The following KCTD16 variants were observed in gnomAD, a reference collection of about 807,000 sequenced individuals.
KCTD16 encodes BTB/POZ domain-containing protein KCTD16.
Under a neutral mutation model 33.2 loss-of-function variants are expected in KCTD16, and 13 were observed. That is an observed-to-expected ratio of 0.39 (90% confidence interval 0.25 to 0.62). The LOEUF (loss-of-function observed/expected upper bound fraction) is 0.62, where lower values mean the gene tolerates loss of function less well. Among genes scored for constraint, KCTD16 ranks in the 20% least tolerant of loss-of-function variants. The pLI is 0.50. For synonymous variants in KCTD16, 197 were observed against 195.3 expected (o/e 1.01, Z -0.07); for missense variants, 441 against 525.1 (o/e 0.84, Z 1.57).
intron 3 of KCTD16, among the ~76,000 whole-genome samples, chr5:144,260,743 TTG>T (rs1554083565): frequency 2.1e-5 from 3 of 141,276 alleles, no homozygotes; most frequent in Non-Finnish European, 3.2e-5. Flanking sequence ...CCTGTTTTTT[TTG>T]TTGTTGTTGT....
chr5:144,291,790 A>G (rs1017121568), intron 3 of KCTD16, among the ~76,000 whole-genome samples: 1 of 152,214 alleles, frequency 6.6e-6, no homozygotes, highest in Non-Finnish European at 1.5e-5. Flanking sequence ...ATCTTAAATT[A>G]CACATTTATT....
At chr5:144,283,381 A>G (rs1755659055) in intron 3 of KCTD16, among the ~76,000 whole-genome samples, 1 of 152,212 alleles carries the variant, frequency 6.6e-6, no homozygotes, top group South Asian at 2.1e-4. Context: ...GTGGGAGAGA[A>G]AGTATGGAGT....
At chr5:144,193,337 A>G (rs1343846122) in intron 2 of KCTD16, among the ~76,000 whole-genome samples, 1 of 152,056 alleles carries the variant, frequency 6.6e-6, no homozygotes, top group East Asian at 1.9e-4. Flanking sequence ...GCTCATTGGG[A>G]TCCAACTTGC....
chr5:144,441,485 A>G (rs1753706666), intron 3 of KCTD16, among the ~76,000 whole-genome samples: 1 of 152,012 alleles, frequency 6.6e-6, no homozygotes, highest in South Asian at 2.1e-4. Flanking sequence ...CGATATCTTA[A>G]GTTACTTTTT....
In KCTD16 at chr5:144,412,562, T is replaced by C. The variant is rs549031607; in HGVS notation, c.833-61098T>C. Among the ~76,000 whole-genome samples, 51 of 152,218 alleles carry C rather than the reference T, an allele frequency of 3.4e-4. 1 individual carries two copies. In the South Asian group the frequency reaches 0.01, roughly 31 times the overall value. On this transcript the variant is annotated intron_variant, in intron 3 of 3. Transcript: ENST00000512467. ...TATAAAGAGAGTTTGACTAGTGGAT[T>C]CAAATATACAGTTTAATAGAAGAAG... is the stretch of plus-strand genomic sequence containing the variant.
intron 3 of KCTD16, among the ~76,000 whole-genome samples, chr5:144,286,829 A>C (rs1755758987): frequency 6.6e-6 from 1 of 152,192 alleles, no homozygotes; most frequent in Non-Finnish European, 1.5e-5. Context: ...AAAAAAATCT[A>C]TCTTCTATGA....
At chr5:144,304,155 G>A (rs1182275856) in intron 3 of KCTD16, among the ~76,000 whole-genome samples, 1 of 152,188 alleles carries the variant, frequency 6.6e-6, no homozygotes, top group Non-Finnish European at 1.5e-5. Context: ...AGTAAATCAT[G>A]TGAGGATAAA....
chr5:144,298,255 C>A (rs569394184), intron 3 of KCTD16, among the ~76,000 whole-genome samples: 1 of 152,172 alleles, frequency 6.6e-6, no homozygotes, highest in East Asian at 1.9e-4. Context: ...ACGAGGCTTG[C>A]GACCATCTTG....
chr5:144,465,335 A>T (rs1475129145), intron 3 of KCTD16, among the ~76,000 whole-genome samples: 14 of 151,990 alleles, frequency 9.2e-5, no homozygotes, highest in Non-Finnish European at 1.5e-5. Flanking sequence ...TCTTCTTCAG[A>T]GCTTTTTAAT....
intron 3 of KCTD16, among the ~76,000 whole-genome samples, chr5:144,269,007 A>G (rs1487272773): frequency 6.6e-6 from 1 of 152,154 alleles, no homozygotes; most frequent in Non-Finnish European, 1.5e-5. Flanking sequence ...ACAATCTGCA[A>G]TCTTGAAGAT....
intron 3 of KCTD16, among the ~76,000 whole-genome samples, chr5:144,275,182 G>A (rs12717913): frequency 0.23 from 35,419 of 152,028 alleles, 4,366 homozygotes; most frequent in Non-Finnish European, 0.28. Context: ...TTTATAGGCA[G>A]AGAAGAAAGT....
At position 144,478,084 on chromosome 5, in the gene KCTD16, G is replaced by A. The variant is rs1428063314; in HGVS notation, c.*3970G>A. 6.6e-6 allele frequency: 1 copy of A among 151,902 alleles called. No individual in the cohort carries two copies. Among genetic ancestry groups the A allele is most frequent in the Non-Finnish European group, 1.5e-5 (1 of 67,920 alleles). The allele number at this position is 151,902 out of a possible 1,614,324, so 9.4% of individuals were successfully genotyped here. On this transcript the variant is annotated 3_prime_UTR_variant, in exon 4 of 4. Transcript: ENST00000512467. ...TCTCTTTAATGTCTTGGTATTGTTG[G>A]TGTCTTGCAATCTTGATGCCCCACA...
Position 144,476,575 on chromosome 5 carries a change from C to T in KCTD16, c.*2461C>T, listed in dbSNP as rs1301489882. 1 of 152,164 alleles carries T rather than the reference C, an allele frequency of 6.6e-6. No individual in the cohort carries two copies. Among genetic ancestry groups the T allele is most frequent in the East Asian group, 1.9e-4 (1 of 5,180 alleles). The allele number at this position is 152,164 out of a possible 1,614,324, so 9.4% of individuals were successfully genotyped here. A position where few individuals can be genotyped will look rare whatever the true frequency, so the allele number is the denominator to read the frequency against. ...ACAGCAATATTTTTATTCTGGGCCA[C>T]CTCTCGACTGGCACTCATCCCATGG... is the stretch of plus-strand genomic sequence containing the variant. On this transcript the variant is annotated 3_prime_UTR_variant, in exon 4 of 4. Coordinates refer to ENST00000512467, the MANE Select transcript of KCTD16 (RefSeq NM_020768.4).
chr5:144,345,107 A>C (rs1463026466), intron 3 of KCTD16, among the ~76,000 whole-genome samples: 2 of 151,740 alleles, frequency 1.3e-5, no homozygotes, highest in Non-Finnish European at 2.9e-5. Flanking sequence ...TTGCAAGGAC[A>C]AAAAACCAAA....
chr5:144,180,732 C>T (rs1752604450), intron 2 of KCTD16, among the ~76,000 whole-genome samples: 1 of 152,130 alleles, frequency 6.6e-6, no homozygotes. Context: ...ATGGTTTCTT[C>T]ATGTGGTACG....
intron 3 of KCTD16, among the ~76,000 whole-genome samples, chr5:144,317,271 C>T (rs1294863313): frequency 7.2e-5 from 11 of 151,790 alleles, no homozygotes; most frequent in African/African-American, 1.5e-4. Context: ...GAGACTGGGC[C>T]GGCACTAAAA....
chr5:144,319,010 ATAAT>A (rs1178642866), intron 3 of KCTD16, among the ~76,000 whole-genome samples: 2 of 152,186 alleles, frequency 1.3e-5, no homozygotes, highest in African/African-American at 2.4e-5. Context: ...AATGACTAAA[ATAAT>A]TAAAGCAATA....
chr5:144,330,737 T>A (rs954812391), intron 3 of KCTD16, among the ~76,000 whole-genome samples: 1 of 152,168 alleles, frequency 6.6e-6, no homozygotes, highest in Admixed American at 6.5e-5. Flanking sequence ...TTATCCCTAT[T>A]TTCCAGATAA....
chr5:144,261,325 A>G (rs909649203), intron 3 of KCTD16, among the ~76,000 whole-genome samples: 1 of 152,208 alleles, frequency 6.6e-6, no homozygotes, highest in Non-Finnish European at 1.5e-5. Context: ...AAATTTATTT[A>G]AAACACTAGA....
Sources: allele counts gnomAD v4.1 joint callset (sites outside exome capture counted in the v4.1 genomes callset), GRCh38; gene constraint gnomAD v4.1.1; transcripts MANE v1.5; gene names NCBI Gene and HGNC (gene_info 2026-07-23, HGNC 2026-07-21).